The following ELMO1 variants were observed in gnomAD, a reference collection of about 807,000 sequenced individuals.
The protein encoded by ELMO1 is engulfment and cell motility protein 1.
In ELMO1, 26 loss-of-function variants were observed where a neutral mutation model predicts 98.9. That is an observed-to-expected ratio of 0.26 (90% CI 0.19 to 0.36). ELMO1 has a LOEUF of 0.36. Among genes scored for constraint, ELMO1 ranks in the 10% least tolerant of loss-of-function variants. The pLI is 1.00. For missense variants in ELMO1, 627 were observed against 935.2 expected (o/e 0.67, Z 4.30); for synonymous variants, 346 against 346.0 (o/e 1.00, Z 0.00).
Position 37,267,753 on chromosome 7 carries a change from T to A in ELMO1, c.243+4079A>T, listed in dbSNP as rs1398196146. On this transcript the variant is annotated intron_variant, in intron 5 of 21. Coordinates refer to ENST00000310758, the MANE Select transcript of ELMO1 (RefSeq NM_014800.11). The stretch of plus-strand genomic sequence containing the variant: ...TGCACAGACATTATTTTGTTTATTT[T>A]TCCCTTGTTCATAGCTTTTGGCAGC... 2.6e-5 allele frequency among the ~76,000 whole-genome samples: 4 copies of A among 152,244 alleles called. 1 individual carries two copies. Among genetic ancestry groups the A allele is most frequent in the Non-Finnish European group, 5.9e-5 (4 of 68,042 alleles).
At chr7:37,032,454 T>C (rs1224552416) in intron 15 of ELMO1, among the ~76,000 whole-genome samples, 1 of 152,154 alleles carries the variant, frequency 6.6e-6, no homozygotes, top group Non-Finnish European at 1.5e-5. Flanking sequence ...TGCCAGTTGA[T>C]GGAAAGGAGG....
At chr7:37,272,680 GAAA>G (rs35128089) in intron 4 of ELMO1, among the ~76,000 whole-genome samples, 2 of 112,678 alleles carry the variant, frequency 1.8e-5, no homozygotes. Context: ...CGTCTTAAAG[GAAA>G]AAAAAAAAAA....
chr7:37,305,607 A>G (rs1798572533), intron 4 of ELMO1, among the ~76,000 whole-genome samples: 1 of 152,256 alleles, frequency 6.6e-6, no homozygotes, highest in Admixed American at 6.5e-5. Flanking sequence ...TCCACTGTGA[A>G]TAATCTTAAT....
At chr7:37,232,904 ATC>A (rs1794256033) in intron 8 of ELMO1, among the ~76,000 whole-genome samples, 189 bp downstream of exon 8, 1 of 152,152 alleles carries the variant, frequency 6.6e-6, no homozygotes, top group African/African-American at 2.4e-5. Context: ...ATCCCTTATA[ATC>A]TCTTACAATC....
chr7:36,996,381 A>G (rs1421361453), intron 16 of ELMO1, among the ~76,000 whole-genome samples: 1 of 152,192 alleles, frequency 6.6e-6, no homozygotes, highest in Non-Finnish European at 1.5e-5. Flanking sequence ...CAACAATAGG[A>G]TAAAAATTCA....
chr7:37,373,361 C>G (rs112999567), intron 1 of ELMO1, among the ~76,000 whole-genome samples: 12,225 of 152,196 alleles, frequency 0.08, 617 homozygotes, highest in Middle Eastern at 0.12. Context: ...AATCCCAGCA[C>G]TTTGGGAGCT....
chr7:37,080,352 C>A lies in ELMO1; in HGVS notation c.1300+16267G>T, dbSNP rs139882310. Among the ~76,000 whole-genome samples, 18 of 152,200 alleles carry A rather than the reference C, an allele frequency of 1.2e-4. No homozygotes were observed. The East Asian group carries it at 3.5e-3, about 29-fold the overall frequency. ...TCACATGTATGCTCAATCTGCCCAA[C>A]GGCTTCTCTTTCTACGTAGAGTAAA... On this transcript the variant is annotated intron_variant, in intron 15 of 21. Transcript: ENST00000310758.
chr7:37,197,945 T>G (rs1049354400), intron 13 of ELMO1, among the ~76,000 whole-genome samples: 5 of 152,218 alleles, frequency 3.3e-5, no homozygotes, highest in African/African-American at 1.2e-4. Flanking sequence ...AAGGGTATCG[T>G]GGATGGAGTC....
At chr7:37,214,651 T>C (rs1271118672) in intron 11 of ELMO1, among the ~76,000 whole-genome samples, 1 of 148,252 alleles carries the variant, frequency 6.7e-6, no homozygotes, top group Non-Finnish European at 1.5e-5. Flanking sequence ...ACCAAAATTA[T>C]GGGAAGCAGG....
intron 13 of ELMO1, among the ~76,000 whole-genome samples, chr7:37,188,522 T>TAATAAG (rs1791384223): frequency 7.7e-6 from 1 of 129,408 alleles, no homozygotes; most frequent in African/African-American, 3.0e-5. Flanking sequence ...ATAATAATAA[T>TAATAAG]AATAACTAAG....
chr7:37,379,521 C>T (rs1802500268), intron 1 of ELMO1, among the ~76,000 whole-genome samples: 1 of 152,178 alleles, frequency 6.6e-6, no homozygotes, highest in African/African-American at 2.4e-5. Context: ...ACCATTCCAC[C>T]TTCCCAATTC....
At chr7:37,222,429 GC>G (rs752289880) in intron 10 of ELMO1, among the ~76,000 whole-genome samples, 185 bp downstream of exon 10, 40 of 152,130 alleles carry the variant, frequency 2.6e-4, no homozygotes, top group Non-Finnish European at 5.0e-4. Flanking sequence ...CTACCCACTT[GC>G]CCCTGGATTT....
chr7:37,217,465 T>C (rs1309616554), intron 10 of ELMO1, among the ~76,000 whole-genome samples: 3 of 151,404 alleles, frequency 2.0e-5, no homozygotes, highest in Non-Finnish European at 4.4e-5. Context: ...CACTTGACCG[T>C]TGTTTTGTGG....
intron 13 of ELMO1, among the ~76,000 whole-genome samples, chr7:37,168,209 T>C (rs1789865548): frequency 6.6e-6 from 1 of 152,246 alleles, no homozygotes; most frequent in Non-Finnish European, 1.5e-5. Flanking sequence ...TAAGTACTTC[T>C]CTGTATTGGT....
intron 13 of ELMO1, among the ~76,000 whole-genome samples, chr7:37,197,962 T>C (rs1265123379): frequency 1.3e-5 from 2 of 152,176 alleles, no homozygotes; most frequent in Admixed American, 6.5e-5. Flanking sequence ...AGTCATCCAA[T>C]TGAAAAATGC....
intron 16 of ELMO1, among the ~76,000 whole-genome samples, chr7:36,901,475 T>C (rs1168063620): frequency 2.6e-5 from 4 of 152,150 alleles, no homozygotes; most frequent in African/African-American, 9.7e-5. Context: ...TGACAGACAA[T>C]ATATAAGTGA....
chr7:37,253,588 G>A (rs1250305129), intron 6 of ELMO1, among the ~76,000 whole-genome samples: 1 of 152,072 alleles, frequency 6.6e-6, no homozygotes, highest in Admixed American at 6.6e-5. Flanking sequence ...AGGGTGAGAG[G>A]CTAGGGTAGG....
At chr7:36,985,015 G>C in intron 16 of ELMO1, 1 of 985,360 alleles carries the variant, frequency 1.0e-6, no homozygotes, top group African/African-American at 1.7e-5. Flanking sequence ...CAGCTAGAAG[G>C]GTCCCTACAG....
intron 1 of ELMO1, chr7:37,376,150 G>A: frequency 3.3e-6 from 1 of 298,634 alleles, no homozygotes; most frequent in Non-Finnish European, 6.6e-6. Flanking sequence ...AACCAATTCA[G>A]TTAGCAAGGT....
Sources: gnomAD v4.1 joint callset for allele counts (sites outside exome capture counted in the v4.1 genomes callset) on GRCh38, gnomAD v4.1.1 for gene constraint, MANE v1.5 for transcripts, NCBI Gene and HGNC (gene_info 2026-07-23, HGNC 2026-07-21) for gene names.